LGSN: variants seen among roughly 807,000 people sequenced by gnomAD.
LGSN encodes the protein lengsin, lens protein with glutamine synthetase domain, also known as lengsin.
LGSN carries 21 observed loss-of-function variants against 19.5 expected under a neutral mutation model. That is an observed-to-expected ratio of 1.07 (90% CI 0.76 to 1.55). The LOEUF (loss-of-function observed/expected upper bound fraction) is 1.55, where lower values mean the gene tolerates loss of function less well. Among genes scored for constraint, LGSN ranks in the 40% most tolerant of loss-of-function variants. The probability of loss-of-function intolerance (pLI) is 0.00; values close to 1 mark genes in which losing one functional copy is unlikely to be tolerated. For missense variants in LGSN, 673 were observed against 608.5 expected (o/e 1.11, Z -1.12); for synonymous variants, 257 against 215.6 (o/e 1.19, Z -1.68).
At chr6:63,427,361 T>C in the LGSN span, among the ~76,000 whole-genome samples, 12 of 152,176 alleles carry the variant, frequency 7.9e-5, no homozygotes, top group Admixed American at 5.2e-4. Flanking sequence ...TTTTCATAGT[T>C]ACTTTTTCCA....
the LGSN span, among the ~76,000 whole-genome samples, chr6:63,353,948 G>A: frequency 6.6e-6 from 1 of 152,068 alleles, no homozygotes; most frequent in African/African-American, 2.4e-5. Context: ...TTTATACACA[G>A]AAGAATGAAA....
the LGSN span, among the ~76,000 whole-genome samples, chr6:63,433,660 T>C: frequency 2.0e-5 from 3 of 152,234 alleles, no homozygotes; most frequent in Admixed American, 1.3e-4. Flanking sequence ...GTTGTAGATA[T>C]ACACACAGAC....
intron 3 of LGSN, among the ~76,000 whole-genome samples, chr6:63,283,810 C>T (rs1054034637): frequency 1.3e-5 from 2 of 152,096 alleles, no homozygotes; most frequent in Non-Finnish European, 2.9e-5. Context: ...AAGCGATTCT[C>T]CTGCCTCAGC....
At chr6:63,409,936 T>G in the LGSN span, among the ~76,000 whole-genome samples, 10 of 152,078 alleles carry the variant, frequency 6.6e-5, no homozygotes, top group African/African-American at 2.4e-4. Context: ...TTCGGGAGGC[T>G]GAGGCAGGAA....
At chr6:63,331,385 G>C in the LGSN span, among the ~76,000 whole-genome samples, 1 of 152,178 alleles carries the variant, frequency 6.6e-6, no homozygotes, top group African/African-American at 2.4e-5. Context: ...TTATCAGAGA[G>C]AGAATATTGG....
the LGSN span, among the ~76,000 whole-genome samples, chr6:63,384,709 G>T: frequency 1.3e-5 from 2 of 152,080 alleles, no homozygotes; most frequent in Non-Finnish European, 1.5e-5. Context: ...TAGAGACAGG[G>T]TTTCACCATG....
the LGSN span, among the ~76,000 whole-genome samples, chr6:63,427,984 C>A: frequency 1.4e-3 from 206 of 152,210 alleles, 1 homozygote; most frequent in African/African-American, 4.8e-3. Flanking sequence ...CACAATAAAT[C>A]TAGCATAATT....
the LGSN span, among the ~76,000 whole-genome samples, chr6:63,551,946 T>C: frequency 6.6e-6 from 1 of 152,240 alleles, no homozygotes; most frequent in Non-Finnish European, 1.5e-5. Flanking sequence ...CTATCACTGA[T>C]GGACATTTGG....
At chr6:63,427,891 C>T in the LGSN span, among the ~76,000 whole-genome samples, 11 of 142,176 alleles carry the variant, frequency 7.7e-5, no homozygotes, top group Admixed American at 8.0e-4. Context: ...ACTAGAAACC[C>T]ATTTTCTTCA....
the LGSN span, among the ~76,000 whole-genome samples, chr6:63,539,631 A>G: frequency 6.6e-6 from 1 of 152,034 alleles, no homozygotes; most frequent in Non-Finnish European, 1.5e-5. Flanking sequence ...AAAAAATATT[A>G]GCCAGGCTGT....
At chr6:63,362,588 C>T in the LGSN span, among the ~76,000 whole-genome samples, 1 of 152,220 alleles carries the variant, frequency 6.6e-6, no homozygotes, top group Non-Finnish European at 1.5e-5. Flanking sequence ...CCCACAGAGC[C>T]TCACTCACTG....
chr6:63,305,395 T>C (rs950894695), intron 1 of LGSN, among the ~76,000 whole-genome samples: 23 of 152,022 alleles, frequency 1.5e-4, no homozygotes, highest in African/African-American at 5.1e-4. Context: ...TCTTAAGAGG[T>C]TGACCCAAAG....
the LGSN span, among the ~76,000 whole-genome samples, chr6:63,504,099 T>A: frequency 3.3e-5 from 5 of 152,108 alleles, no homozygotes; most frequent in Non-Finnish European, 5.9e-5. Flanking sequence ...CCATTTTTTT[T>A]ATAAATACCT....
the LGSN span, among the ~76,000 whole-genome samples, chr6:63,465,237 A>T: frequency 1.3e-5 from 2 of 151,626 alleles, no homozygotes; most frequent in African/African-American, 4.8e-5. Context: ...CCAGAGTGCA[A>T]TGGCTCCATC....
chr6:63,549,029 G>T, the LGSN span: 52 of 727,488 alleles, frequency 7.1e-5, no homozygotes, highest in Non-Finnish European at 1.2e-4. Flanking sequence ...TGGGATCCAC[G>T]TCGTGTGCAA....
Position 63,280,994 on chromosome 6 carries a change from T to C in LGSN, c.557A>G (p.Tyr186Cys). Reference protein sequence around the residue: ...TGEPLLTSPRYIAKRQLSHLQ... With the variant: ...TGEPLLTSPRCIAKRQLSHLQ... ...ATGGCTCAGCTGCCTCTTTGCAATG[T>C]ACCTTGGGGAAGTCAAAAGAGGCTC... is the stretch of plus-strand genomic sequence containing the variant. The change falls in exon 4 of 4, where the codon TAC (tyrosine) becomes TGC (cysteine). Residue 186 changes from tyrosine to cysteine, a missense_variant. Coordinates refer to ENST00000370657, the MANE Select transcript of LGSN (RefSeq NM_016571.3). 6.2e-7 allele frequency: 1 copy of C among 1,614,128 alleles called. No individual in the cohort carries two copies. The highest frequency in any genetic ancestry group is 8.5e-7 in the Non-Finnish European group (1 of 1,180,010).
chr6:63,319,663 TGA>T (rs1294472679), intron 1 of LGSN, among the ~76,000 whole-genome samples: 1 of 152,204 alleles, frequency 6.6e-6, no homozygotes, highest in African/African-American at 2.4e-5. Flanking sequence ...CAGTGCCTAT[TGA>T]ACTTAAATGA....
the LGSN span, among the ~76,000 whole-genome samples, chr6:63,381,197 G>A: frequency 3.9e-5 from 6 of 152,142 alleles, no homozygotes; most frequent in African/African-American, 1.2e-4. Context: ...GTGAGACCCT[G>A]TCTCAAAGAA....
intron 3 of LGSN, among the ~76,000 whole-genome samples, chr6:63,284,487 G>C (rs1767450597): frequency 6.6e-6 from 1 of 152,130 alleles, no homozygotes; most frequent in Non-Finnish European, 1.5e-5. Flanking sequence ...GGATTCCACT[G>C]AGAAACTAGA....
Sources: gnomAD v4.1 joint callset for allele counts (sites outside exome capture counted in the v4.1 genomes callset) on GRCh38, gnomAD v4.1.1 for gene constraint, MANE v1.5 for transcripts, NCBI Gene and HGNC (gene_info 2026-07-23, HGNC 2026-07-21) for gene names.